The following RIT2 variants were observed in gnomAD, a reference collection of about 807,000 sequenced individuals.
RIT2 encodes the protein Ras like without CAAX 2.
Under a neutral mutation model 23.7 loss-of-function variants are expected in RIT2, and 24 were observed. The observed-to-expected ratio is 1.01, with a 90% CI of 0.73 to 1.43. The LOEUF (loss-of-function observed/expected upper bound fraction) is 1.43. Ranked by LOEUF, RIT2 falls within the 40% of genes most tolerant of loss-of-function variation. The pLI is 0.00. For missense variants in RIT2, 236 were observed against 266.9 expected (o/e 0.88, Z 0.81); for synonymous variants, 107 against 91.1 (o/e 1.17, Z -0.99).
At chr18:42,963,219 T>C (rs180803482) in intron 3 of RIT2, among the ~76,000 whole-genome samples, 1 of 152,328 alleles carries the variant, frequency 6.6e-6, no homozygotes. Flanking sequence ...AATAAGAATA[T>C]GTTTAATAGA....
chr18:43,041,934 T>C (rs960736963), intron 1 of RIT2, among the ~76,000 whole-genome samples: 1 of 152,052 alleles, frequency 6.6e-6, no homozygotes, highest in Non-Finnish European at 1.5e-5. Context: ...CAAAATAATA[T>C]ATATATATAG....
intron 4 of RIT2, among the ~76,000 whole-genome samples, chr18:42,771,145 T>C (rs1055672175): frequency 6.6e-6 from 1 of 152,146 alleles, no homozygotes; most frequent in African/African-American, 2.4e-5. Flanking sequence ...TAAATATACA[T>C]TGCTAGTTTT....
At chr18:42,998,042 A>G (rs1026734928) in intron 2 of RIT2, among the ~76,000 whole-genome samples, 4 of 152,122 alleles carry the variant, frequency 2.6e-5, no homozygotes, top group African/African-American at 4.8e-5. Flanking sequence ...TTTCACCACA[A>G]TACATTTTTT....
At chr18:42,778,554 C>A (rs1327080120) in intron 4 of RIT2, among the ~76,000 whole-genome samples, 1 of 151,974 alleles carries the variant, frequency 6.6e-6, no homozygotes, top group Non-Finnish European at 1.5e-5. Context: ...AATGATAACC[C>A]ATGTACATGG....
At chr18:42,989,471 A>G (rs1008508774) in intron 2 of RIT2, among the ~76,000 whole-genome samples, 3 of 152,344 alleles carry the variant, frequency 2.0e-5, no homozygotes, top group Admixed American at 1.3e-4. Context: ...ATTAAATTTA[A>G]TATATGTTAT....
intron 1 of RIT2, among the ~76,000 whole-genome samples, chr18:43,108,329 G>A (rs988467027): frequency 2.0e-5 from 3 of 151,648 alleles, no homozygotes; most frequent in African/African-American, 7.3e-5. Context: ...TAATATCTAT[G>A]TGCCTTGGGC....
At chr18:42,956,638 A>T (rs946479132) in intron 3 of RIT2, among the ~76,000 whole-genome samples, 9 of 152,096 alleles carry the variant, frequency 5.9e-5, no homozygotes, top group African/African-American at 2.2e-4. Context: ...TATTTTAAGG[A>T]GCAGTACCAT....
chr18:42,836,500 G>C (rs539025047), intron 4 of RIT2, among the ~76,000 whole-genome samples: 1 of 152,184 alleles, frequency 6.6e-6, no homozygotes, highest in East Asian at 1.9e-4. Flanking sequence ...AAAAAAGGAG[G>C]TCAACAGGCA....
At chr18:43,048,655 T>G (rs1030895809) in intron 1 of RIT2, among the ~76,000 whole-genome samples, 1 of 152,186 alleles carries the variant, frequency 6.6e-6, no homozygotes, top group Non-Finnish European at 1.5e-5. Context: ...GAGTTTACTT[T>G]TAAACCATTT....
intron 3 of RIT2, among the ~76,000 whole-genome samples, chr18:42,971,178 A>T (rs1031977264): frequency 6.6e-6 from 1 of 152,058 alleles, no homozygotes; most frequent in African/African-American, 2.4e-5. Context: ...CAACAAGGTG[A>T]TATTATTAAA....
chr18:42,777,523 G>C lies in RIT2; in HGVS notation c.427-33803C>G, dbSNP rs527685121. Among the ~76,000 whole-genome samples, 5 of 152,254 alleles carry C rather than the reference G, an allele frequency of 3.3e-5. No homozygotes were observed. The East Asian group carries it at 7.7e-4, about 24-fold the overall frequency. On this transcript the variant is annotated intron_variant, in intron 4 of 4. Transcript: ENST00000326695. ...TGTGGAATCCTGAAAGCCATGTAAG[G>C]AATGCTTCCAGTTTCAAAGGAAAAA...
intron 4 of RIT2, among the ~76,000 whole-genome samples, chr18:42,762,157 A>G (rs1225695229): frequency 7.2e-5 from 11 of 152,196 alleles, no homozygotes; most frequent in Non-Finnish European, 2.9e-5. Flanking sequence ...TTTTAGCCTT[A>G]TGCCTGGCCT....
intron 2 of RIT2, among the ~76,000 whole-genome samples, chr18:42,991,673 C>T (rs992635160): frequency 6.6e-5 from 10 of 152,040 alleles, no homozygotes; most frequent in African/African-American, 2.4e-4. Flanking sequence ...ATGGCCTGTT[C>T]CTGCCTTAAC....
intron 3 of RIT2, among the ~76,000 whole-genome samples, chr18:42,960,738 T>C (rs1342531100): frequency 6.6e-6 from 1 of 152,200 alleles, no homozygotes; most frequent in Non-Finnish European, 1.5e-5. Context: ...CCTACATCAA[T>C]AATGTAGGCT....
chr18:42,832,882 G>T (rs528147649), intron 4 of RIT2, among the ~76,000 whole-genome samples: 1 of 151,466 alleles, frequency 6.6e-6, no homozygotes, highest in African/African-American at 2.4e-5. Flanking sequence ...GCGAAACCCC[G>T]TCTCTATTAA....
intron 4 of RIT2, among the ~76,000 whole-genome samples, chr18:42,902,770 G>A (rs1428676321): frequency 2.0e-5 from 3 of 151,020 alleles, no homozygotes; most frequent in African/African-American, 7.3e-5. Flanking sequence ...AAGAAACAAG[G>A]AATTGTTAAC....
At chr18:42,743,764 A>T in intron 4 of RIT2, 44 bp from the exon 5 acceptor site, 5 of 1,418,376 alleles carry the variant, frequency 3.5e-6, no homozygotes, top group Non-Finnish European at 4.8e-6. Context: ...AAAGAGAAAG[A>T]CTCTTCAATT....
intron 2 of RIT2, among the ~76,000 whole-genome samples, chr18:43,013,013 A>T (rs1449730221): frequency 6.6e-6 from 1 of 151,818 alleles, no homozygotes; most frequent in Non-Finnish European, 1.5e-5. Context: ...GCACTAGCCC[A>T]TATTATTTTG....
intron 4 of RIT2, among the ~76,000 whole-genome samples, chr18:42,870,703 G>A (rs765019819): frequency 6.6e-6 from 1 of 152,118 alleles, no homozygotes; most frequent in Admixed American, 6.5e-5. Context: ...GCAACGGCAT[G>A]TCACTGTATT....
Sources: allele counts gnomAD v4.1 joint callset (sites outside exome capture counted in the v4.1 genomes callset), GRCh38; gene constraint gnomAD v4.1.1; transcripts MANE v1.5; gene names NCBI Gene and HGNC (gene_info 2026-07-23, HGNC 2026-07-21).